The following FNDC3B variants were observed in gnomAD, a reference collection of about 807,000 sequenced individuals.
FNDC3B encodes fibronectin type III domain containing 3B.
A neutral mutation model predicts 151.5 loss-of-function variants in FNDC3B; 12 were observed. That is an observed-to-expected ratio of 0.08 (90% CI 0.05 to 0.13). The LOEUF is 0.13. Ranked by LOEUF, FNDC3B falls within the 10% of genes least tolerant of loss-of-function variation. The probability of loss-of-function intolerance (pLI) is 1.00; values close to 1 mark genes in which losing one functional copy is unlikely to be tolerated. For synonymous variants in FNDC3B, 528 were observed against 549.0 expected, an observed-to-expected ratio of 0.96 and a Z score of 0.54; for missense variants, 1,214 against 1,505.3, an observed-to-expected ratio of 0.81 and a Z score of 3.20.
intron 1 of FNDC3B, among the ~76,000 whole-genome samples, chr3:172,051,379 G>A (rs889799146): frequency 6.6e-6 from 1 of 151,630 alleles, no homozygotes. Flanking sequence ...TAGTCTCCTT[G>A]TCTCCCTTAT....
intron 24 of FNDC3B, among the ~76,000 whole-genome samples, chr3:172,379,741 C>T (rs1735342330): frequency 6.6e-6 from 1 of 152,106 alleles, no homozygotes; most frequent in Admixed American, 6.6e-5. Context: ...GGAAGGGTGG[C>T]CACATTGATC....
At chr3:172,219,832 C>T (rs1427472061) in intron 3 of FNDC3B, among the ~76,000 whole-genome samples, 1 of 152,148 alleles carries the variant, frequency 6.6e-6, no homozygotes, top group African/African-American at 2.4e-5. Flanking sequence ...ATGGTTTGTA[C>T]ACATTTTATC....
intron 3 of FNDC3B, among the ~76,000 whole-genome samples, chr3:172,141,806 G>A (rs558890495): frequency 1.1e-4 from 17 of 152,160 alleles, no homozygotes; most frequent in African/African-American, 3.4e-4. Context: ...AGCTGAGATC[G>A]TGCCATTGCA....
At chr3:172,378,242 G>A in intron 23 of FNDC3B, 28 bp from the exon 24 acceptor site, 1 of 1,548,972 alleles carries the variant, frequency 6.5e-7, no homozygotes, top group South Asian at 1.2e-5. Flanking sequence ...ACGTTCAGAT[G>A]GCTAATTGAT....
At chr3:172,149,373 A>G (rs755282602) in intron 3 of FNDC3B, among the ~76,000 whole-genome samples, 28 of 152,202 alleles carry the variant, frequency 1.8e-4, no homozygotes, top group Admixed American at 1.3e-4. Flanking sequence ...ACAGGTTTCA[A>G]TTCCTTACCA....
chr3:172,343,974 A>G (rs1733474025), intron 18 of FNDC3B, 112 bp from the exon 19 acceptor site: 1 of 898,374 alleles, frequency 1.1e-6, no homozygotes. Context: ...TAAGGGAGAT[A>G]CTGAGGCCGG....
intron 2 of FNDC3B, among the ~76,000 whole-genome samples, chr3:172,116,293 C>T (rs763147646): frequency 2.6e-5 from 4 of 152,192 alleles, no homozygotes; most frequent in Non-Finnish European, 4.4e-5. Context: ...TCATACCATT[C>T]ACCCACTGAA....
At chr3:172,339,029 G>A (rs115528001) in intron 16 of FNDC3B, among the ~76,000 whole-genome samples, 1,632 of 151,804 alleles carry the variant, frequency 0.011, 16 homozygotes, top group African/African-American at 0.031. Flanking sequence ...GAGCCACCGC[G>A]CCCGGCCCAC....
intron 4 of FNDC3B, among the ~76,000 whole-genome samples, chr3:172,243,768 A>G (rs1727627110): frequency 6.6e-6 from 1 of 152,202 alleles, no homozygotes; most frequent in South Asian, 2.1e-4. Flanking sequence ...GTCTACCTAT[A>G]TGACCTCATT....
intron 1 of FNDC3B, among the ~76,000 whole-genome samples, chr3:172,071,380 A>G (rs1258363248): frequency 1.3e-5 from 2 of 152,230 alleles, no homozygotes; most frequent in Non-Finnish European, 2.9e-5. Flanking sequence ...TTATTAAGGC[A>G]AAGTCTTAAG....
At chr3:172,188,394 G>GTTTCCCC (rs1724313947) in intron 3 of FNDC3B, among the ~76,000 whole-genome samples, 1 of 151,136 alleles carries the variant, frequency 6.6e-6, no homozygotes, top group African/African-American at 2.4e-5. Context: ...TGGAACTGAA[G>GTTTCCCC]TTGGTTTTTT....
chr3:172,327,950 A>G (rs1038690901), intron 11 of FNDC3B, among the ~76,000 whole-genome samples: 1 of 152,224 alleles, frequency 6.6e-6, no homozygotes, highest in Non-Finnish European at 1.5e-5. Flanking sequence ...AGATCCACTC[A>G]ATGTTAGCTT....
chr3:172,170,909 T>C (rs1723247510), intron 3 of FNDC3B, among the ~76,000 whole-genome samples: 1 of 152,224 alleles, frequency 6.6e-6, no homozygotes, highest in Non-Finnish European at 1.5e-5. Context: ...ATTACTGTCT[T>C]AGTATTGCTC....
At chr3:172,069,323 T>C (rs184762312) in intron 1 of FNDC3B, among the ~76,000 whole-genome samples, 90 of 152,316 alleles carry the variant, frequency 5.9e-4, no homozygotes, top group Non-Finnish European at 9.6e-4. Flanking sequence ...AATCGGATGT[T>C]CTTAGGTATT....
At chr3:172,135,975 A>G (rs1033471228) in intron 3 of FNDC3B, among the ~76,000 whole-genome samples, 1 of 152,198 alleles carries the variant, frequency 6.6e-6, no homozygotes, top group Non-Finnish European at 1.5e-5. Flanking sequence ...TACCATTGCT[A>G]ACATTTATTC....
chr3:172,338,867 G>A (rs182746917), intron 16 of FNDC3B, among the ~76,000 whole-genome samples: 31 of 152,238 alleles, frequency 2.0e-4, no homozygotes, highest in African/African-American at 7.5e-4. Flanking sequence ...CTCCGGAGTA[G>A]CTGGGACTAC....
chr3:172,396,411 TAC>T (rs1736279830), intron 25 of FNDC3B, among the ~76,000 whole-genome samples: 1 of 152,238 alleles, frequency 6.6e-6, no homozygotes, highest in Admixed American at 6.5e-5. Context: ...CTGGAAAATT[TAC>T]ATTTTGTTTG....
intron 23 of FNDC3B, among the ~76,000 whole-genome samples, chr3:172,371,446 C>G (rs1220216372): frequency 6.6e-6 from 1 of 152,086 alleles, no homozygotes; most frequent in East Asian, 1.9e-4. Context: ...GGTAAATCAC[C>G]AACATTAAAA....
At chr3:172,193,800 C>G (rs1213238299) in intron 3 of FNDC3B, among the ~76,000 whole-genome samples, 1 of 152,088 alleles carries the variant, frequency 6.6e-6, no homozygotes, top group African/African-American at 2.4e-5. Flanking sequence ...GGAAGATCAA[C>G]AAAGCTTTTC....
Sources: gnomAD v4.1 joint callset for allele counts (sites outside exome capture counted in the v4.1 genomes callset) on GRCh38, gnomAD v4.1.1 for gene constraint, MANE v1.5 for transcripts, NCBI Gene and HGNC (gene_info 2026-07-23, HGNC 2026-07-21) for gene names.